Variants in CCDC138 observed in about 807,000 individuals in gnomAD.
CCDC138 encodes the protein coiled-coil domain containing 138, also known as coiled-coil domain-containing protein 138.
Under a neutral mutation model 82.3 loss-of-function variants are expected in CCDC138, and 66 were observed. That is an observed-to-expected ratio of 0.80 (90% CI 0.66 to 0.98). The LOEUF (loss-of-function observed/expected upper bound fraction) is 0.98. CCDC138 is among the 50% of genes least tolerant of loss of function. CCDC138 has a pLI of 0.00. For synonymous variants in CCDC138, 297 were observed against 265.4 expected (o/e 1.12, Z -1.16); for missense variants, 816 against 758.9 (o/e 1.08, Z -0.88).
chr2:108,853,893 ATATATAT>A (rs1205567459), intron 12 of CCDC138, among the ~76,000 whole-genome samples: 1,704 of 123,058 alleles, frequency 0.014, 48 homozygotes, highest in African/African-American at 0.051. Context: ...ATTATATAGT[ATATATAT>A]TATATATTAT....
chr2:108,834,021 C>T (rs1193994125), intron 10 of CCDC138, among the ~76,000 whole-genome samples: 4 of 147,500 alleles, frequency 2.7e-5, no homozygotes, highest in Non-Finnish European at 3.0e-5. Context: ...GCTGGGATTA[C>T]AGGCGTGAGC....
chr2:108,853,600 T>C (rs1025018395), intron 12 of CCDC138, among the ~76,000 whole-genome samples: 3 of 150,624 alleles, frequency 2.0e-5, no homozygotes, highest in African/African-American at 7.3e-5. Context: ...AAGCATAACT[T>C]ACCACAACCT....
intron 10 of CCDC138, among the ~76,000 whole-genome samples, chr2:108,823,407 C>G (rs1686040552): frequency 6.6e-6 from 1 of 152,174 alleles, no homozygotes; most frequent in Non-Finnish European, 1.5e-5. Flanking sequence ...AAACTGAATT[C>G]AACAGTACAG....
At chr2:108,877,842 A>G (rs1362047345), downstream of CCDC138, among the ~76,000 whole-genome samples, 1 of 152,264 alleles carries the variant, frequency 6.6e-6, no homozygotes, top group Non-Finnish European at 1.5e-5. Context: ...ATCCTGGCCA[A>G]ATGGTAAGTT....
Position 108,850,893 on chromosome 2 carries a change from G to A in CCDC138, c.1516+3963G>A, listed in dbSNP as rs549443234. Among the ~76,000 whole-genome samples, 72 of 152,196 alleles carry A rather than the reference G, an allele frequency of 4.7e-4. 2 individuals are homozygous for A. The South Asian group carries it at 7.5e-3, about 16-fold the overall frequency. On this transcript the variant is annotated intron_variant, in intron 12 of 14. Coordinates refer to ENST00000295124, the MANE Select transcript of CCDC138 (RefSeq NM_144978.3). Reference sequence around the variant, plus strand: ...GTGGAGGTTTTTCCCCACATACCAAGCAGCAGACACAAGCTGCTCCAATTC... The same window carrying A: ...GTGGAGGTTTTTCCCCACATACCAAACAGCAGACACAAGCTGCTCCAATTC...
At chr2:108,794,182 C>T (rs1724195) in intron 4 of CCDC138, among the ~76,000 whole-genome samples, 39,794 of 152,058 alleles carry the variant, frequency 0.26, 5,592 homozygotes, top group African/African-American at 0.36. Flanking sequence ...GTAACACTTA[C>T]TTGCATTAGT....
intron 4 of CCDC138, among the ~76,000 whole-genome samples, chr2:108,792,719 C>G (rs1197115369): frequency 6.6e-6 from 1 of 152,146 alleles, no homozygotes; most frequent in Non-Finnish European, 1.5e-5. Flanking sequence ...GGAAGACACA[C>G]CCCCCTCCTT....
intron 10 of CCDC138, among the ~76,000 whole-genome samples, chr2:108,821,801 C>T (rs1421184638): frequency 2.0e-5 from 3 of 151,668 alleles, no homozygotes; most frequent in Non-Finnish European, 2.9e-5. Context: ...AAAAATTAGC[C>T]GGGCGTAGTG....
At chr2:108,881,198 A>G (rs72935978), downstream of CCDC138, among the ~76,000 whole-genome samples, 2,863 of 152,276 alleles carry the variant, frequency 0.019, 88 homozygotes, top group African/African-American at 0.064. Flanking sequence ...CTTGTGGAGA[A>G]CTTGCTGCAG....
intron 9 of CCDC138, 63 bp downstream of exon 9, chr2:108,812,990 C>T: frequency 7.2e-7 from 1 of 1,379,848 alleles, no homozygotes; most frequent in Non-Finnish European, 1.0e-6. Context: ...TGGCTCACAC[C>T]TGTAATCCCA....
At chr2:108,832,298 A>T (rs960234820) in intron 10 of CCDC138, among the ~76,000 whole-genome samples, 1 of 149,024 alleles carries the variant, frequency 6.7e-6, no homozygotes, top group Non-Finnish European at 1.5e-5. Flanking sequence ...AAGTGCTGAG[A>T]TTACAGGCGT....
Position 108,798,522 on chromosome 2 carries a change from ATGCCT to A in CCDC138, c.674_678del (p.Ala225GlufsTer2). ...GAACAACTGCTTTTCAGACATGAAA[ATGCCT>A]TGAGTAAAATTAAAGGTGTTGAAGA... is the stretch of plus-strand genomic sequence containing the variant. On this transcript the variant is annotated frameshift_variant, in exon 6 of 15. Coordinates refer to ENST00000295124, the MANE Select transcript of CCDC138 (RefSeq NM_144978.3). LOFTEE classifies it high-confidence loss of function. 6.2e-7 allele frequency: 1 copy of A among 1,614,010 alleles called. No homozygotes were observed. The highest frequency in any genetic ancestry group is 8.5e-7 in the Non-Finnish European group (1 of 1,179,956).
Position 108,812,862 on chromosome 2 carries a change from TC to T in CCDC138, c.979del (p.His327MetfsTer6). ...GACAATACAGAGATTGAAAGGAAGT[TC>T]CCATGCTGTTCATGAAATGAAAAGT... The part of the protein sequence containing the change: ...FMTIQRLKGS[S>X]HAVHEMKSLK... On this transcript the variant is annotated frameshift_variant, in exon 9 of 15. Transcript: ENST00000295124. LOFTEE classifies it high-confidence loss of function. 1 of 1,613,458 alleles carries T rather than the reference TC, an allele frequency of 6.2e-7. No individual in the cohort carries two copies. Among genetic ancestry groups the T allele is most frequent in the Middle Eastern group, 1.7e-4 (1 of 6,052 alleles).
chr2:108,792,666 T>C (rs1311837756), intron 4 of CCDC138, among the ~76,000 whole-genome samples: 1 of 152,208 alleles, frequency 6.6e-6, no homozygotes, highest in Non-Finnish European at 1.5e-5. Flanking sequence ...CATACTATGT[T>C]TTATTTTTAC....
chr2:108,878,406 T>C (rs186854227), downstream of CCDC138: 91 of 215,540 alleles, frequency 4.2e-4, no homozygotes, highest in African/African-American at 2.1e-3. Context: ...AAACTGATAA[T>C]AAAATCAGGT....
At chr2:108,839,348 A>G in intron 11 of CCDC138, 47 bp downstream of exon 11, 1 of 1,466,188 alleles carries the variant, frequency 6.8e-7, no homozygotes, top group Non-Finnish European at 9.4e-7. Flanking sequence ...TCCACCTAAT[A>G]TTACTTCTTG....
chr2:108,866,984 G>A (rs746320183), intron 13 of CCDC138, among the ~76,000 whole-genome samples: 15 of 151,936 alleles, frequency 9.9e-5, no homozygotes, highest in Non-Finnish European at 1.8e-4. Context: ...AAAGATACAT[G>A]TAAACAGATT....
At chr2:108,836,478 T>C (rs1458936211) in intron 10 of CCDC138, among the ~76,000 whole-genome samples, 1 of 152,220 alleles carries the variant, frequency 6.6e-6, no homozygotes, top group Non-Finnish European at 1.5e-5. Context: ...CTTGCAAATA[T>C]CCTTTCAAGA....
chr2:108,816,651 A>G (rs1373982437), intron 10 of CCDC138, among the ~76,000 whole-genome samples: 1 of 152,106 alleles, frequency 6.6e-6, no homozygotes, highest in African/African-American at 2.4e-5. Flanking sequence ...TGGATGAATT[A>G]ATGCTTTCAT....
Sources: allele counts gnomAD v4.1 joint callset (sites outside exome capture counted in the v4.1 genomes callset), GRCh38; gene constraint gnomAD v4.1.1; transcripts MANE v1.5; gene names NCBI Gene and HGNC (gene_info 2026-07-23, HGNC 2026-07-21).